The following HDAC4 variants were observed in gnomAD, a reference collection of about 807,000 sequenced individuals.
The protein encoded by HDAC4 is histone deacetylase 4.
Under a neutral mutation model 135.1 loss-of-function variants are expected in HDAC4, and 16 were observed. That is an observed-to-expected ratio of 0.12 (90% confidence interval 0.08 to 0.18). The LOEUF is 0.18. HDAC4 is among the 10% of genes least tolerant of loss of function. The pLI is 1.00. For synonymous variants in HDAC4, 685 were observed against 653.4 expected (o/e 1.05, Z -0.74); for missense variants, 1,143 against 1,511.8 (o/e 0.76, Z 4.05).
At position 239,307,201 on chromosome 2, in the gene HDAC4, A is replaced by ATTTGT; in HGVS notation, c.22+45476_22+45477insACAAA. ...AGGGAGAAGAGAGCCCTGGGCACAA[A>ATTTGT]GCCCAGGGCCTGGGGCAGGCTCCGT... On this transcript the variant is annotated intron_variant, in intron 2 of 26. Transcript: ENST00000543185. The surrounding 1 kb of genome is among the most constrained non-coding windows in gnomAD (Gnocchi z 4.8). Among the ~76,000 whole-genome samples the ATTTGT allele has an allele frequency of 6.6e-6, 1 of 152,138 alleles. No individual in the cohort carries two copies. The highest frequency in any genetic ancestry group is 1.5e-5 in the Non-Finnish European group (1 of 68,020).
At chr2:239,199,538 TG>T (rs34988209) in intron 3 of HDAC4, among the ~76,000 whole-genome samples, 22,672 of 152,152 alleles carry the variant, frequency 0.15, 2,221 homozygotes, top group East Asian at 0.35. Context: ...AAATCCTGAG[TG>T]GGTCTCGTGG....
At chr2:239,344,873 G>A (rs773920795) in intron 2 of HDAC4, among the ~76,000 whole-genome samples, 4 of 152,108 alleles carry the variant, frequency 2.6e-5, no homozygotes, top group African/African-American at 9.7e-5. Flanking sequence ...ATGTAGGGCT[G>A]GTCTACTCTC....
rs564193938 is a variant in HDAC4, at chr2:239,139,691, G to A, written c.971C>T (p.Pro324Leu). 34 of 1,613,820 alleles carry A rather than the reference G, an allele frequency of 2.1e-5. No homozygotes were observed. The highest frequency in any genetic ancestry group is 8.9e-5 in the East Asian group (4 of 44,886). ...CAAACGCTTCGCACTGACCTCCGCC[G>A]GGATGCTGGGGACGGCGGGCGCGAT... ...NGIAPAVPSI[P>L]AETSLAHRLV... is the part of the protein sequence containing the mutation. Residue 324 changes from proline (P) to leucine (L), a missense_variant, in exon 9 of 27, where the codon CCG becomes CTG. Physicochemically the swap from Pro to Leu is moderately conservative, Grantham distance 98. This residue lies in a region of HDAC4 where 272 missense variants were observed against 309.7 expected (regional missense o/e 0.88). Coordinates refer to ENST00000543185, the MANE Select transcript of HDAC4 (RefSeq NM_001378414.1). The surrounding 1 kb of genome is among the most constrained non-coding windows in gnomAD (Gnocchi z 5.3).
At chr2:239,250,690 G>A (rs986124768) in intron 2 of HDAC4, among the ~76,000 whole-genome samples, 1 of 152,252 alleles carries the variant, frequency 6.6e-6, no homozygotes. Context: ...CCAAGGAGAA[G>A]GGGCCAGAAG....
Position 239,165,576 on chromosome 2 carries a change from C to T in HDAC4, c.491-1653G>A, listed in dbSNP as rs994196446. Among the ~76,000 whole-genome samples, 5 of 152,194 alleles carry T rather than the reference C, an allele frequency of 3.3e-5. No homozygotes were observed. The East Asian group carries it at 9.6e-4, about 29-fold the overall frequency. ...ATCGAGAGCCTAGTATATGCCAGCC[C>T]TGGCCTGGTTCGGCCTCGCATGAGA... On this transcript the variant is annotated intron_variant, in intron 5 of 26. Coordinates refer to ENST00000543185, the MANE Select transcript of HDAC4 (RefSeq NM_001378414.1).
intron 3 of HDAC4, among the ~76,000 whole-genome samples, chr2:239,195,222 G>T (rs915832245): frequency 6.6e-6 from 1 of 152,226 alleles, no homozygotes; most frequent in African/African-American, 2.4e-5. Context: ...ACTGCCACGT[G>T]AAACTCCACT....
intron 18 of HDAC4, 106 bp downstream of exon 18, chr2:239,089,903 C>T (rs538984931): frequency 4.3e-5 from 36 of 843,402 alleles, no homozygotes; most frequent in East Asian, 3.7e-4. Flanking sequence ...CCATCACAGC[C>T]GCCTCCCAGC....
intron 4 of HDAC4, among the ~76,000 whole-genome samples, chr2:239,183,058 A>G (rs1310720020): frequency 6.6e-6 from 1 of 152,242 alleles, no homozygotes; most frequent in Admixed American, 6.5e-5. Context: ...GGCTGTTGGG[A>G]AGCAATTTTT....
intron 12 of HDAC4, among the ~76,000 whole-genome samples, chr2:239,124,210 A>G (rs77883739): frequency 0.019 from 2,958 of 152,224 alleles, 69 homozygotes; most frequent in African/African-American, 0.048. Context: ...TGTTTTTAGT[A>G]TATTTACAGA....
At chr2:239,359,731 C>A (rs1208268740) in intron 1 of HDAC4, among the ~76,000 whole-genome samples, 1 of 152,188 alleles carries the variant, frequency 6.6e-6, no homozygotes, top group East Asian at 1.9e-4. Context: ...CCAGGAACCA[C>A]CCACAGCCTC....
intron 2 of HDAC4, among the ~76,000 whole-genome samples, chr2:239,339,316 CAA>C (rs746661092): frequency 1.3e-5 from 2 of 152,202 alleles, no homozygotes; most frequent in Non-Finnish European, 2.9e-5. Context: ...CGACAGAAGG[CAA>C]AAGTCAAAGC....
chr2:239,342,532 A>G (rs1232103354), intron 2 of HDAC4, among the ~76,000 whole-genome samples: 12 of 152,260 alleles, frequency 7.9e-5, no homozygotes, highest in South Asian at 2.1e-4. Flanking sequence ...ATACGTTACA[A>G]TAAGTTTTAC....
At chr2:239,082,501 C>T (rs941572231) in intron 20 of HDAC4, among the ~76,000 whole-genome samples, 7 of 152,238 alleles carry the variant, frequency 4.6e-5, no homozygotes, top group Non-Finnish European at 8.8e-5. Flanking sequence ...ACTCCAGCAG[C>T]CGATGGGGCT....
At chr2:239,276,976 TG>T (rs1436152792) in intron 2 of HDAC4, among the ~76,000 whole-genome samples, 1 of 152,108 alleles carries the variant, frequency 6.6e-6, no homozygotes, top group African/African-American at 2.4e-5. Flanking sequence ...GAGTCAGCTG[TG>T]GAGCCTCCCC....
rs2039059524 is a variant in HDAC4 at position 239,115,633 on chromosome 2, G to A, written c.1534-323C>T. Among the ~76,000 whole-genome samples the A allele has an allele frequency of 6.6e-6, 1 of 152,078 alleles. No individual in the cohort carries two copies. The highest frequency in any genetic ancestry group is 2.1e-4 in the South Asian group (1 of 4,814). ...GAGAAACAGAAAAGAAGCTGCAGGT[G>A]TCAACAGAGTCTGCAGAGGAGAGCT... On this transcript the variant is annotated intron_variant, in intron 12 of 26. Transcript: ENST00000543185. The surrounding 1 kb of genome is among the most constrained non-coding windows in gnomAD (Gnocchi z 6.3).
In HDAC4 at chr2:239,146,940, C is replaced by A. The variant is rs530742805; in HGVS notation, c.734-2226G>T. Among the ~76,000 whole-genome samples the A allele has an allele frequency of 6.6e-6, 1 of 152,192 alleles. No individual in the cohort carries two copies. The highest frequency in any genetic ancestry group is 2.4e-5 in the African/African-American group (1 of 41,456). On this transcript the variant is annotated intron_variant, in intron 7 of 26. Transcript: ENST00000543185. This position sits in a 1 kb window ranked among gnomAD's most constrained non-coding sequence, Gnocchi z 4.5. ...TTCTAGCCGACTGCACGTCCCTGGT[C>A]GACTCTGCCTGCAGGGTGGCTGCAG... is the stretch of plus-strand genomic sequence containing the variant.
At chr2:239,201,018 G>A (rs2153073607) in intron 3 of HDAC4, among the ~76,000 whole-genome samples, 1 of 152,316 alleles carries the variant, frequency 6.6e-6, no homozygotes, top group South Asian at 2.1e-4. Flanking sequence ...TCACTACCGG[G>A]GAATCACAGG....
intron 2 of HDAC4, among the ~76,000 whole-genome samples, chr2:239,317,293 T>C (rs941006497): frequency 7.9e-5 from 12 of 151,902 alleles, no homozygotes; most frequent in Non-Finnish European, 1.5e-4. Context: ...GGAAGTGAAC[T>C]GCCATGTGTG....
intron 1 of HDAC4, among the ~76,000 whole-genome samples, chr2:239,381,484 T>C (rs1454069020): frequency 6.6e-6 from 1 of 152,196 alleles, no homozygotes; most frequent in Non-Finnish European, 1.5e-5. Flanking sequence ...CAAAAAAATG[T>C]AAATGAAAGC....
Sources: allele counts gnomAD v4.1 joint callset (sites outside exome capture counted in the v4.1 genomes callset), GRCh38; gene constraint gnomAD v4.1.1; regional missense constraint gnomAD v4.1.1; non-coding constraint Gnocchi (gnomAD v3.1); transcripts MANE v1.5; gene names NCBI Gene and HGNC (gene_info 2026-07-23, HGNC 2026-07-21).